WDFY3: variants seen among roughly 807,000 people sequenced by gnomAD.
The protein encoded by WDFY3 is WD repeat and FYVE domain containing 3.
WDFY3 carries 66 observed loss-of-function variants against 409.6 expected under a neutral mutation model. That is an observed-to-expected ratio of 0.16 (90% CI 0.13 to 0.20). The LOEUF (loss-of-function observed/expected upper bound fraction) is 0.20, where lower values mean the gene tolerates loss of function less well. Among genes scored for constraint, WDFY3 ranks in the 10% least tolerant of loss-of-function variants. The probability of loss-of-function intolerance (pLI) is 1.00; values close to 1 mark genes in which losing one functional copy is unlikely to be tolerated. For missense variants in WDFY3, 3,031 were observed against 4,298.1 expected (o/e 0.71, Z 8.24); for synonymous variants, 1,521 against 1,537.1 (o/e 0.99, Z 0.25).
At chr4:84,883,438 T>G (rs1763804171) in intron 3 of WDFY3, among the ~76,000 whole-genome samples, 1 of 152,214 alleles carries the variant, frequency 6.6e-6, no homozygotes. Flanking sequence ...TCTTGGTAAG[T>G]CTCATCATCT....
chr4:84,721,835 A>AAACAACAAC (rs376632842), intron 46 of WDFY3, among the ~76,000 whole-genome samples: 3 of 151,812 alleles, frequency 2.0e-5, no homozygotes, highest in Admixed American at 6.6e-5. Flanking sequence ...TTCTGTCTTA[A>AAACAACAAC]AACAACAACA....
intron 62 of WDFY3, among the ~76,000 whole-genome samples, chr4:84,686,534 G>C (rs1257830277): frequency 1.3e-5 from 2 of 152,068 alleles, no homozygotes; most frequent in African/African-American, 4.8e-5. Flanking sequence ...AGTAACTTCT[G>C]GTAGAAATCA....
chr4:84,763,701 G>T (rs1743115184), intron 32 of WDFY3, among the ~76,000 whole-genome samples: 1 of 152,048 alleles, frequency 6.6e-6, no homozygotes, highest in African/African-American at 2.4e-5. Context: ...AAATGTGTAT[G>T]TGTCAGATAG....
At chr4:84,864,531 T>C (rs1221901931) in intron 3 of WDFY3, among the ~76,000 whole-genome samples, 4 of 152,224 alleles carry the variant, frequency 2.6e-5, no homozygotes, top group Admixed American at 1.3e-4. Context: ...TCTTCTTTAA[T>C]GTCCTTCATC....
chr4:84,724,233 T>C (rs1293221092), intron 46 of WDFY3, among the ~76,000 whole-genome samples, 193 bp downstream of exon 46: 1 of 152,230 alleles, frequency 6.6e-6, no homozygotes, highest in Admixed American at 6.5e-5. Flanking sequence ...TATTCATTTG[T>C]AGGCAATAAA....
intron 64 of WDFY3, among the ~76,000 whole-genome samples, chr4:84,681,395 A>T (rs745419933): frequency 2.0e-5 from 3 of 152,168 alleles, no homozygotes; most frequent in Admixed American, 6.5e-5. Context: ...TATTGAATTA[A>T]ACTGAATTTT....
intron 30 of WDFY3, among the ~76,000 whole-genome samples, chr4:84,772,256 T>C (rs1479210983): frequency 6.6e-6 from 1 of 152,090 alleles, no homozygotes; most frequent in Non-Finnish European, 1.5e-5. Flanking sequence ...TCCTAGCATA[T>C]ACAACAAGAA....
In WDFY3 at chr4:84,736,188, T is replaced by C. The variant is rs1379053987; in HGVS notation, c.6897A>G (p.Lys2299=). 2 of 1,611,506 alleles carry C rather than the reference T, an allele frequency of 1.2e-6. No individual in the cohort carries two copies. The highest frequency in any genetic ancestry group is 1.7e-6 in the Non-Finnish European group (2 of 1,178,984). The change falls in exon 42 of 68, where the codon AAA becomes AAG. Residue 2299 remains lysine (K), a synonymous_variant. Transcript: ENST00000295888. ...AAAGTACCTGGGTGGAAAGACTGTG[T>C]TTATTAAGACCACTTTCTTTTCGAT... is the stretch of plus-strand genomic sequence containing the variant. ...RRNRKESGLN[K]HSLSTQEISQ...
chr4:84,920,049 AC>A (rs1769064630), intron 2 of WDFY3, among the ~76,000 whole-genome samples: 1 of 152,208 alleles, frequency 6.6e-6, no homozygotes, highest in African/African-American at 2.4e-5. Flanking sequence ...AAAATAAGGA[AC>A]AAAAAATAAG....
At chr4:84,799,904 T>G (rs912108795) in intron 17 of WDFY3, among the ~76,000 whole-genome samples, 1 of 152,234 alleles carries the variant, frequency 6.6e-6, no homozygotes, top group African/African-American at 2.4e-5. Context: ...TGGTTGATTT[T>G]CATTGCTTAT....
intron 15 of WDFY3, 76 bp downstream of exon 15, chr4:84,808,258 C>G (rs1355518145): frequency 8.7e-7 from 1 of 1,150,184 alleles, no homozygotes; most frequent in East Asian, 2.5e-5. Flanking sequence ...ACACAATCAA[C>G]ATGTTAACAT....
rs1288439725 is a variant in WDFY3, at chr4:84,753,977, T to C, written c.5560-101A>G. ...CTCAGTATTCTTATGAAACTGGATA[T>C]ATTGATGGTCCAGAACTCTGTAAAC... On this transcript the variant is annotated intron_variant, in intron 34 of 67. Transcript: ENST00000295888. 9.3e-6 allele frequency: 12 copies of C among 1,283,802 alleles called. No individual in the cohort carries two copies. In the Admixed American group the frequency reaches 3.4e-4, roughly 36 times the overall value. The allele number at this position is 1,283,802 out of a possible 1,614,324, so 79.5% of individuals were successfully genotyped here.
At chr4:84,724,111 T>C (rs1735267818) in intron 46 of WDFY3, among the ~76,000 whole-genome samples, 1 of 152,218 alleles carries the variant, frequency 6.6e-6, no homozygotes, top group Non-Finnish European at 1.5e-5. Context: ...CAATACCTCC[T>C]GATGCTGTGT....
chr4:84,787,485 G>A lies in WDFY3; in HGVS notation c.3898C>T (p.Pro1300Ser). The A allele has an allele frequency of 6.2e-7, 1 of 1,613,084 alleles. No homozygotes were observed. Among genetic ancestry groups the A allele is most frequent in the Non-Finnish European group, 8.5e-7 (1 of 1,179,162 alleles). The change falls in exon 23 of 68, where the codon CCA becomes TCA. Residue 1300 changes from proline to serine, a missense_variant. Coordinates refer to ENST00000295888, the MANE Select transcript of WDFY3 (RefSeq NM_014991.6). ...GAACTAAAAATAAGTTACTCACATG[G>A]CATACATACAGCCTGAAAGCTTCCA... is the stretch of plus-strand genomic sequence containing the variant. Reference protein sequence around the residue: ...YVGSFQAVCMPCKDAKSEGVV... With the variant: ...YVGSFQAVCMSCKDAKSEGVV...
At chr4:84,878,924 T>C (rs1347000708) in intron 3 of WDFY3, among the ~76,000 whole-genome samples, 1 of 152,184 alleles carries the variant, frequency 6.6e-6, no homozygotes, top group Non-Finnish European at 1.5e-5. Flanking sequence ...GAAATTTAAT[T>C]CCTTAAGTGT....
At chr4:84,844,350 C>CAA in intron 5 of WDFY3, 1 of 983,370 alleles carries the variant, frequency 1.0e-6, no homozygotes, top group Non-Finnish European at 1.4e-6. Context: ...TTGCCCCCTC[C>CAA]AAAAAAAAAT....
intron 5 of WDFY3, among the ~76,000 whole-genome samples, chr4:84,844,002 A>G (rs1757735768): frequency 6.6e-6 from 1 of 152,212 alleles, no homozygotes; most frequent in Non-Finnish European, 1.5e-5. Flanking sequence ...CATTTGATTC[A>G]AGCTTTATCT....
rs1462625531 is a variant in WDFY3 at position 84,794,991 on chromosome 4, A to G, written c.3168-12T>C. On this transcript the variant is annotated splice_polypyrimidine_tract_variant and intron_variant, in intron 19 of 67. Transcript: ENST00000295888. Reference sequence around the variant, plus strand: ...GCAAAAAAAGACATCTATTAAAGAAAAGACAACATACATATTAGAGATCAA... The same window carrying G: ...GCAAAAAAAGACATCTATTAAAGAAGAGACAACATACATATTAGAGATCAA... 2.0e-6 allele frequency: 3 copies of G among 1,527,560 alleles called. No individual in the cohort carries two copies. The African/African-American group carries it at 4.2e-5, about 21-fold the overall frequency. 94.6% of individuals were successfully genotyped at this position (1,527,560 alleles called of 1,614,324 possible). A position where few individuals can be genotyped will look rare whatever the true frequency, so the allele number is the denominator to read the frequency against.
intron 9 of WDFY3, 34 bp from the exon 10 acceptor site, chr4:84,827,015 C>G: frequency 6.3e-7 from 1 of 1,585,666 alleles, no homozygotes; most frequent in Admixed American, 1.9e-5. Flanking sequence ...TATTTTTTTT[C>G]TCTTTGGTTG....
Sources: gnomAD v4.1 joint callset for allele counts (sites outside exome capture counted in the v4.1 genomes callset) on GRCh38, gnomAD v4.1.1 for gene constraint, MANE v1.5 for transcripts, NCBI Gene and HGNC (gene_info 2026-07-23, HGNC 2026-07-21) for gene names.